The following CNGA1 variants were observed in gnomAD, a reference collection of about 807,000 sequenced individuals.
CNGA1 encodes the protein cyclic nucleotide-gated channel alpha-1.
CNGA1 carries 53 observed loss-of-function variants against 69.7 expected under a neutral mutation model. The observed-to-expected ratio is 0.76, with a 90% CI of 0.61 to 0.96. The LOEUF (loss-of-function observed/expected upper bound fraction) is 0.96. Ranked by LOEUF, CNGA1 falls within the 40% of genes least tolerant of loss-of-function variation. The pLI is 0.00. For synonymous variants in CNGA1, 249 were observed against 283.5 expected (o/e 0.88, Z 1.22); for missense variants, 739 against 811.2 (o/e 0.91, Z 1.08).
chr4:47,982,723 T>C (rs982091629), intron 2 of CNGA1, among the ~76,000 whole-genome samples: 3 of 152,196 alleles, frequency 2.0e-5, no homozygotes, highest in African/African-American at 7.2e-5. Flanking sequence ...CATAATCTTC[T>C]ATTGTATTTC....
At chr4:48,007,415 T>C (rs1714967946) in intron 2 of CNGA1, among the ~76,000 whole-genome samples, 3 of 152,194 alleles carry the variant, frequency 2.0e-5, no homozygotes, top group Non-Finnish European at 4.4e-5. Context: ...GCTTCCACAA[T>C]AGTCCCTGGA....
chr4:47,973,166 C>A (rs1475101682), intron 3 of CNGA1, among the ~76,000 whole-genome samples: 1 of 148,262 alleles, frequency 6.7e-6, no homozygotes, highest in Non-Finnish European at 1.5e-5. Flanking sequence ...CTCCCCGGTT[C>A]AAGCAATTCT....
chr4:47,965,138 A>G (rs947074614), intron 3 of CNGA1, among the ~76,000 whole-genome samples: 1 of 152,134 alleles, frequency 6.6e-6, no homozygotes, highest in Admixed American at 6.6e-5. Context: ...TGTTATAACT[A>G]TCTTAACGGA....
At chr4:47,945,145 T>A (rs746072750) in intron 6 of CNGA1, among the ~76,000 whole-genome samples, 16 of 152,084 alleles carry the variant, frequency 1.1e-4, no homozygotes, top group South Asian at 2.1e-4. Context: ...GGAGGATCAC[T>A]TGAGCCCAGG....
chr4:47,983,799 A>C (rs956278916), intron 2 of CNGA1, among the ~76,000 whole-genome samples: 2 of 152,180 alleles, frequency 1.3e-5, no homozygotes, highest in African/African-American at 4.8e-5. Context: ...CAATTCTGTG[A>C]AGTAGAAAAG....
At chr4:47,963,767 G>C (rs1740583805) in intron 3 of CNGA1, among the ~76,000 whole-genome samples, 1 of 152,040 alleles carries the variant, frequency 6.6e-6, no homozygotes, top group Non-Finnish European at 1.5e-5. Flanking sequence ...TCTGTTCTTA[G>C]AACTTTTCTT....
intron 3 of CNGA1, among the ~76,000 whole-genome samples, chr4:47,967,234 C>CAGAGTTTGCAATGAGCCA (rs1740773480): frequency 6.6e-6 from 1 of 151,996 alleles, no homozygotes; most frequent in South Asian, 2.1e-4. Flanking sequence ...ACCCAGGAGA[C>CAGAGTTTGCAATGAGCCA]AGAGTTTGCA....
intron 3 of CNGA1, among the ~76,000 whole-genome samples, chr4:47,979,358 G>A (rs1741582322): frequency 6.7e-6 from 1 of 150,374 alleles, no homozygotes; most frequent in Non-Finnish European, 1.5e-5. Context: ...CACAAGGGTT[G>A]TCTGCTCATG....
rs185938999 is a variant in CNGA1 at position 47,949,963 on chromosome 4, A to C, written c.225-68T>G. The stretch of plus-strand genomic sequence containing the variant: ...TCTGTATAATGTCCATGGTAGGCAA[A>C]TGGTCTGAAAAAACAAATTCTTCTC... On this transcript the variant is annotated intron_variant, in intron 5 of 10. Transcript: ENST00000514170. The C allele has an allele frequency of 4.5e-5, 66 of 1,457,298 alleles. No individual in the cohort carries two copies. The East Asian group carries it at 1.4e-3, about 32-fold the overall frequency. 90.3% of individuals were successfully genotyped at this position (1,457,298 alleles called of 1,614,324 possible).
chr4:48,014,804 C>T (rs1372997921), intron 1 of CNGA1, among the ~76,000 whole-genome samples: 1 of 152,146 alleles, frequency 6.6e-6, no homozygotes, highest in East Asian at 1.9e-4. Context: ...CCATAGATCA[C>T]GTTTACCATC....
chr4:48,011,458 T>C (rs1044836572), intron 1 of CNGA1, among the ~76,000 whole-genome samples: 30 of 152,110 alleles, frequency 2.0e-4, no homozygotes, highest in African/African-American at 7.0e-4. Context: ...TTAATTAAGC[T>C]GACTTTTAAC....
At chr4:47,980,199 G>T (rs1741624911) in intron 3 of CNGA1, among the ~76,000 whole-genome samples, 1 of 152,148 alleles carries the variant, frequency 6.6e-6, no homozygotes, top group Non-Finnish European at 1.5e-5. Flanking sequence ...GTTTATGGGT[G>T]TTAGCCAAGT....
chr4:47,942,415 TAAAGAGATGTGTA>T lies in CNGA1; in HGVS notation c.438-280_438-268del, dbSNP rs1739142141. Among the ~76,000 whole-genome samples the T allele has an allele frequency of 4.8e-5, 7 of 146,630 alleles. No individual in the cohort carries two copies. In the East Asian group the frequency reaches 1.2e-3, roughly 26 times the overall value. On this transcript the variant is annotated intron_variant, in intron 8 of 10. Coordinates refer to ENST00000514170, the MANE Select transcript of CNGA1 (RefSeq NM_001379270.1). ...AGCTATGTTTTATTAAGCTAAATGT[TAAAGAGATGTGTA>T]AAAATGTAAAACAATGCCACTCTTC...
At chr4:47,960,744 A>G (rs1161678002) in intron 3 of CNGA1, among the ~76,000 whole-genome samples, 1 of 152,214 alleles carries the variant, frequency 6.6e-6, no homozygotes, top group Admixed American at 6.5e-5. Flanking sequence ...TTTCAGCAAT[A>G]AATAGAAATG....
At chr4:47,947,303 T>C (rs1014876281) in intron 6 of CNGA1, among the ~76,000 whole-genome samples, 1 of 151,952 alleles carries the variant, frequency 6.6e-6, no homozygotes, top group Admixed American at 6.6e-5. Flanking sequence ...CACTTAGAGG[T>C]GGTCTTGAAA....
chr4:48,015,052 C>T (rs1715320243), intron 1 of CNGA1, among the ~76,000 whole-genome samples: 1 of 151,940 alleles, frequency 6.6e-6, no homozygotes, highest in South Asian at 2.1e-4. Context: ...GTGGGGGGCG[C>T]CTGTAGTCCC....
chr4:48,001,858 TA>T (rs1314806110), intron 2 of CNGA1, among the ~76,000 whole-genome samples: 1 of 152,134 alleles, frequency 6.6e-6, no homozygotes, highest in Non-Finnish European at 1.5e-5. Context: ...AAAAGAGGAT[TA>T]AACTGATAAC....
chr4:47,978,664 T>C (rs1240142729), intron 3 of CNGA1, among the ~76,000 whole-genome samples: 1 of 152,158 alleles, frequency 6.6e-6, no homozygotes, highest in Non-Finnish European at 1.5e-5. Context: ...TCAAAGTATA[T>C]ATCTTATTCT....
At chr4:47,958,617 G>A (rs888685845) in intron 3 of CNGA1, among the ~76,000 whole-genome samples, 57 of 134,310 alleles carry the variant, frequency 4.2e-4, no homozygotes, top group African/African-American at 1.4e-3. Context: ...GCAAGACTCC[G>A]CCTCAAAAAA....
Sources: allele counts gnomAD v4.1 joint callset (sites outside exome capture counted in the v4.1 genomes callset), GRCh38; gene constraint gnomAD v4.1.1; transcripts MANE v1.5; gene names NCBI Gene and HGNC (gene_info 2026-07-23, HGNC 2026-07-21).